Variants in LRRC4C observed in about 807,000 individuals in gnomAD.
LRRC4C encodes the protein leucine-rich repeat-containing protein 4C.
In LRRC4C, 5 loss-of-function variants were observed where a neutral mutation model predicts 33.6. The ratio of observed to expected loss-of-function variants is 0.15; its 90% CI spans 0.08 to 0.31. The LOEUF (loss-of-function observed/expected upper bound fraction) is 0.31. Among genes scored for constraint, LRRC4C ranks in the 10% least tolerant of loss-of-function variants. The pLI, the probability that LRRC4C is intolerant of heterozygous loss-of-function variation, is 1.00. For missense variants in LRRC4C, 560 were observed against 796.7 expected, an observed-to-expected ratio of 0.70 and a Z score of 3.58; for synonymous variants, 329 against 302.0, an observed-to-expected ratio of 1.09 and a Z score of -0.93.
Position 40,463,262 on chromosome 11 carries a change from T to C in LRRC4C, c.-269-143541A>G, listed in dbSNP as rs78670075. Among the ~76,000 whole-genome samples the C allele has an allele frequency of 1.3e-3, 198 of 151,468 alleles. 1 individual carries two copies. The highest frequency in any genetic ancestry group is 0.01 in the Middle Eastern group (3 of 294). ...ATAGAAGTATAGAAGTATAGAGGCA[T>C]AGAAGTATTATTGGGAAGATATAGG... On this transcript the variant is annotated intron_variant, in intron 3 of 6. Transcript: ENST00000528697.
intron 3 of LRRC4C, among the ~76,000 whole-genome samples, chr11:40,595,962 C>T (rs1254345703): frequency 6.6e-6 from 1 of 152,078 alleles, no homozygotes; most frequent in Non-Finnish European, 1.5e-5. Context: ...AGAGAAATAG[C>T]AGGATAGTTA....
intron 1 of LRRC4C, among the ~76,000 whole-genome samples, chr11:41,387,085 G>T (rs947420159): frequency 2.0e-5 from 3 of 151,730 alleles, no homozygotes; most frequent in African/African-American, 7.2e-5. Flanking sequence ...GTGTATAAAA[G>T]ATGTTATGAC....
intron 4 of LRRC4C, among the ~76,000 whole-genome samples, chr11:40,318,602 T>TA (rs1419153794): frequency 6.6e-6 from 1 of 152,170 alleles, no homozygotes; most frequent in Non-Finnish European, 1.5e-5. Flanking sequence ...GTTTTGTTTT[T>TA]ACCAATAAAT....
chr11:40,214,502 G>T (rs192468264), intron 5 of LRRC4C, among the ~76,000 whole-genome samples: 100 of 152,182 alleles, frequency 6.6e-4, no homozygotes, highest in Non-Finnish European at 1.3e-3. Context: ...TAATTCATTT[G>T]TTGGAGCCCA....
At chr11:40,336,983 A>C (rs1946651501) in intron 3 of LRRC4C, among the ~76,000 whole-genome samples, 1 of 70,596 alleles carries the variant, frequency 1.4e-5, no homozygotes, top group South Asian at 8.3e-4. Context: ...TCTCAAAAAA[A>C]AAAAAAAAAA....
At chr11:40,610,316 C>T (rs1462230426) in intron 3 of LRRC4C, among the ~76,000 whole-genome samples, 1 of 151,600 alleles carries the variant, frequency 6.6e-6, no homozygotes, top group Non-Finnish European at 1.5e-5. Context: ...CAAAATTAAA[C>T]AACTTTTTAC....
intron 5 of LRRC4C, among the ~76,000 whole-genome samples, chr11:40,228,028 G>C (rs936092825): frequency 6.6e-6 from 1 of 152,148 alleles, no homozygotes; most frequent in Admixed American, 6.5e-5. Flanking sequence ...ACTAGTAAAA[G>C]TCAAAGGAAA....
chr11:41,233,415 A>AT lies in LRRC4C; in HGVS notation c.-496+226015dup, dbSNP rs1254301678. Among the ~76,000 whole-genome samples, 3 of 152,044 alleles carry AT rather than the reference A, an allele frequency of 2.0e-5. No homozygotes were observed. In the East Asian group the frequency reaches 5.8e-4, roughly 29 times the overall value. On this transcript the variant is annotated intron_variant, in intron 1 of 6. Transcript: ENST00000528697. ...GTAGCTGAATAGTTACCATTTTAAG[A>AT]TTTTAGTCATAAAAACTCTGCAATA...
intron 1 of LRRC4C, among the ~76,000 whole-genome samples, chr11:41,098,967 G>T (rs1940987889): frequency 6.6e-6 from 1 of 151,922 alleles, no homozygotes; most frequent in Non-Finnish European, 1.5e-5. Flanking sequence ...AGAAAAGAGA[G>T]AAGATAAACA....
At chr11:40,232,083 T>G (rs918141696) in intron 5 of LRRC4C, among the ~76,000 whole-genome samples, 4 of 152,210 alleles carry the variant, frequency 2.6e-5, no homozygotes, top group Non-Finnish European at 5.9e-5. Context: ...CTGGGCTCGC[T>G]GCAACCTCTG....
intron 1 of LRRC4C, among the ~76,000 whole-genome samples, chr11:41,309,303 C>T (rs530980718): frequency 6.6e-6 from 1 of 152,282 alleles, no homozygotes; most frequent in Admixed American, 6.5e-5. Context: ...CACTGAGGCA[C>T]AGGGCTCATT....
At chr11:41,380,311 G>C (rs1377900203) in intron 1 of LRRC4C, among the ~76,000 whole-genome samples, 1 of 152,104 alleles carries the variant, frequency 6.6e-6, no homozygotes, top group Non-Finnish European at 1.5e-5. Context: ...ACTTTTGCCA[G>C]AGTGCACATT....
intron 1 of LRRC4C, among the ~76,000 whole-genome samples, chr11:41,209,811 C>A (rs1413747610): frequency 1.3e-5 from 2 of 151,952 alleles, no homozygotes; most frequent in African/African-American, 2.4e-5. Context: ...TGAATTGCGT[C>A]CTCCCAGAAT....
chr11:41,427,926 C>T (rs1955098456), intron 1 of LRRC4C, among the ~76,000 whole-genome samples: 1 of 152,056 alleles, frequency 6.6e-6, no homozygotes, highest in South Asian at 2.1e-4. Flanking sequence ...CTTGTGACCC[C>T]CACCCCTGCC....
chr11:40,274,449 A>ACACACC (rs1942949223), intron 4 of LRRC4C, among the ~76,000 whole-genome samples: 1 of 151,624 alleles, frequency 6.6e-6, no homozygotes, highest in Non-Finnish European at 1.5e-5. Flanking sequence ...ACACACACAC[A>ACACACC]CACACACACA....
At chr11:41,074,064 T>G (rs971447874) in intron 1 of LRRC4C, among the ~76,000 whole-genome samples, 24 of 152,190 alleles carry the variant, frequency 1.6e-4, no homozygotes, top group Admixed American at 5.2e-4. Context: ...ATGTTTAAAA[T>G]ATTACTGAAA....
intron 1 of LRRC4C, among the ~76,000 whole-genome samples, chr11:40,940,541 C>T (rs1001530919): frequency 2.0e-5 from 3 of 152,112 alleles, no homozygotes; most frequent in African/African-American, 7.2e-5. Flanking sequence ...CTTCAGATCT[C>T]CCCTTTCCTA....
chr11:40,449,334 A>T (rs1951785822), intron 3 of LRRC4C, among the ~76,000 whole-genome samples: 1 of 130,236 alleles, frequency 7.7e-6, no homozygotes, highest in Non-Finnish European at 1.7e-5. Context: ...AACAAAGCAA[A>T]ACAAAAGAAG....
chr11:40,538,148 G>A (rs1956552540), intron 3 of LRRC4C, among the ~76,000 whole-genome samples: 1 of 152,128 alleles, frequency 6.6e-6, no homozygotes, highest in African/African-American at 2.4e-5. Flanking sequence ...GGGTGCACAT[G>A]GAAAAATCTT....
Sources: allele counts gnomAD v4.1 joint callset (sites outside exome capture counted in the v4.1 genomes callset), GRCh38; gene constraint gnomAD v4.1.1; transcripts MANE v1.5; gene names NCBI Gene and HGNC (gene_info 2026-07-23, HGNC 2026-07-21).